USH2A: variants seen among roughly 807,000 people sequenced by gnomAD.
USH2A encodes the protein usherin, also known as Usher syndrome 2A (autosomal recessive, mild).
A neutral mutation model predicts 538.9 loss-of-function variants in USH2A; 443 were observed. That is an observed-to-expected ratio of 0.82 (90% CI 0.76 to 0.89). The LOEUF (loss-of-function observed/expected upper bound fraction) is 0.89. Ranked by LOEUF, USH2A falls within the 40% of genes least tolerant of loss-of-function variation. USH2A has a pLI of 0.00. For missense variants in USH2A, 6,633 were observed against 6,324.8 expected (o/e 1.05, Z -1.65); for synonymous variants, 2,413 against 2,273.5 (o/e 1.06, Z -1.75).
intron 37 of USH2A, among the ~76,000 whole-genome samples, chr1:215,964,933 T>C (rs942078977): frequency 1.3e-5 from 2 of 152,202 alleles, no homozygotes; most frequent in Non-Finnish European, 2.9e-5. Context: ...TTCAACTCTT[T>C]GCATACACGA....
chr1:215,840,163 C>CAAAAAAAAA (rs60766928), intron 46 of USH2A, among the ~76,000 whole-genome samples: 2 of 29,522 alleles, frequency 6.8e-5, no homozygotes, highest in Non-Finnish European at 1.3e-4. Flanking sequence ...GACTCTGTCT[C>CAAAAAAAAA]AAAAAAAAAA....
intron 37 of USH2A, among the ~76,000 whole-genome samples, chr1:215,952,980 T>A (rs1218306100): frequency 1.3e-5 from 2 of 152,014 alleles, no homozygotes; most frequent in South Asian, 2.1e-4. Context: ...TCAAAGAGAA[T>A]AAAATACCTA....
At chr1:216,231,768 G>A (rs1179369125) in intron 14 of USH2A, among the ~76,000 whole-genome samples, 185 bp downstream of exon 14, 4 of 151,834 alleles carry the variant, frequency 2.6e-5, no homozygotes, top group Non-Finnish European at 4.4e-5. Flanking sequence ...GGATGATATC[G>A]ACCTCTTGAC....
At chr1:215,702,448 A>G (rs1360834051) in intron 61 of USH2A, among the ~76,000 whole-genome samples, 1 of 152,142 alleles carries the variant, frequency 6.6e-6, no homozygotes, top group African/African-American at 2.4e-5. Flanking sequence ...TGCCATTTTC[A>G]GGTACACCAA....
Position 216,289,329 on chromosome 1 carries a change from C to A in USH2A, c.1922G>T (p.Cys641Phe). 2 of 1,614,012 alleles carry A rather than the reference C, an allele frequency of 1.2e-6. No individual in the cohort carries two copies. The highest frequency in any genetic ancestry group is 8.5e-7 in the Non-Finnish European group (1 of 1,179,882). Residue 641 changes from cysteine to phenylalanine, a missense_variant, in exon 11 of 72, where the codon TGT (cysteine) becomes TTT (phenylalanine). Coordinates refer to ENST00000307340, the MANE Select transcript of USH2A (RefSeq NM_206933.4). ...DPSAIDVCKP[C>F]DCDTVGTRNG... ...TCTAGTGCCAACTGTATCACAGTCA[C>A]AGGGTTTGCAAACATCTATGGCCGA...
chr1:216,149,094 G>C (rs12091176), intron 21 of USH2A, among the ~76,000 whole-genome samples: 1 of 151,704 alleles, frequency 6.6e-6, no homozygotes, highest in Non-Finnish European at 1.5e-5. Context: ...TGGTTAGCAC[G>C]GTCAGAATTT....
chr1:216,065,477 T>C (rs191763023), intron 30 of USH2A, among the ~76,000 whole-genome samples: 12 of 152,326 alleles, frequency 7.9e-5, no homozygotes, highest in Non-Finnish European at 1.3e-4. Flanking sequence ...TACACAAAAA[T>C]GCAAATCAAA....
At chr1:216,021,087 G>A (rs1668834406) in intron 32 of USH2A, among the ~76,000 whole-genome samples, 1 of 152,142 alleles carries the variant, frequency 6.6e-6, no homozygotes, top group Admixed American at 6.5e-5. Context: ...GTTACTGTCA[G>A]AACTGAGCTG....
intron 50 of USH2A, among the ~76,000 whole-genome samples, chr1:215,794,269 G>T (rs893936442): frequency 1.3e-5 from 2 of 152,176 alleles, no homozygotes; most frequent in Admixed American, 1.3e-4. Context: ...GTGTGAGAAA[G>T]TCAATTCAAT....
At chr1:216,298,976 A>T (rs2037159874) in intron 9 of USH2A, among the ~76,000 whole-genome samples, 1 of 151,988 alleles carries the variant, frequency 6.6e-6, no homozygotes, top group Non-Finnish European at 1.5e-5. Context: ...GAGTAGCTGG[A>T]ACTACAGGCA....
chr1:215,744,261 G>A (rs1483122061), intron 58 of USH2A, among the ~76,000 whole-genome samples: 2 of 152,188 alleles, frequency 1.3e-5, no homozygotes, highest in African/African-American at 2.4e-5. Context: ...GAGACTTATG[G>A]CCCTAAATAC....
chr1:216,094,881 G>A (rs2032401815), intron 22 of USH2A, among the ~76,000 whole-genome samples: 1 of 152,058 alleles, frequency 6.6e-6, no homozygotes, highest in Non-Finnish European at 1.5e-5. Flanking sequence ...TTCCTCACCT[G>A]TAAAATGGGA....
At chr1:216,290,964 T>C (rs1571667147) in intron 10 of USH2A, among the ~76,000 whole-genome samples, 1 of 152,186 alleles carries the variant, frequency 6.6e-6, no homozygotes, top group Admixed American at 6.5e-5. Flanking sequence ...ATCCGTACCA[T>C]CTGAAATGTA....
chr1:216,087,521 G>C (rs1419444604), intron 23 of USH2A, among the ~76,000 whole-genome samples: 3 of 152,030 alleles, frequency 2.0e-5, no homozygotes, highest in Admixed American at 1.3e-4. Context: ...TCGACATTAA[G>C]GGCCAGTAAA....
chr1:215,970,576 T>G (rs753791366), intron 36 of USH2A, 49 bp downstream of exon 36: 1 of 1,611,636 alleles, frequency 6.2e-7, no homozygotes, highest in South Asian at 1.1e-5. Context: ...TAATATTCAG[T>G]GTCATCTGAC....
At chr1:216,389,588 C>T (rs1322583161) in intron 3 of USH2A, among the ~76,000 whole-genome samples, 1 of 151,992 alleles carries the variant, frequency 6.6e-6, no homozygotes, top group African/African-American at 2.4e-5. Context: ...AACTTCATAA[C>T]CTGCTTTCTT....
chr1:216,275,111 G>T (rs1404211148), intron 11 of USH2A, among the ~76,000 whole-genome samples: 1 of 151,968 alleles, frequency 6.6e-6, no homozygotes, highest in East Asian at 1.9e-4. Flanking sequence ...TCTCAAAGGG[G>T]TATAATTTCC....
In USH2A at chr1:216,323,570, A is replaced by G. The variant is rs771950708; in HGVS notation, c.1454T>C (p.Ile485Thr). Reference protein sequence around the residue: ...SLQEFVKATQIRFHFHGQYYT... With the variant: ...SLQEFVKATQTRFHFHGQYYT... ...GTACTGCCCATGAAAATGAAACCTT[A>G]TTTGCGTGGCTTTTACGAACTCTTG... The change falls in exon 8 of 72, where the codon ATA (isoleucine) becomes ACA (threonine). Residue 485 changes from isoleucine to threonine, a missense_variant. Coordinates refer to ENST00000307340, the MANE Select transcript of USH2A (RefSeq NM_206933.4). 2 of 1,613,518 alleles carry G rather than the reference A, an allele frequency of 1.2e-6. No individual in the cohort carries two copies. The highest frequency in any genetic ancestry group is 1.7e-6 in the Non-Finnish European group (2 of 1,179,750).
intron 34 of USH2A, among the ~76,000 whole-genome samples, chr1:215,996,948 T>C (rs866712845): frequency 7.2e-5 from 11 of 152,210 alleles, no homozygotes; most frequent in African/African-American, 1.4e-4. Context: ...AAAGGCTTTG[T>C]TATCTTTATG....
Sources: gnomAD v4.1 joint callset for allele counts (sites outside exome capture counted in the v4.1 genomes callset) on GRCh38, gnomAD v4.1.1 for gene constraint, MANE v1.5 for transcripts, NCBI Gene and HGNC (gene_info 2026-07-23, HGNC 2026-07-21) for gene names.